Variants in MYO7B observed in about 807,000 individuals in gnomAD.
The protein encoded by MYO7B is myosin VIIB.
Under a neutral mutation model 259.7 loss-of-function variants are expected in MYO7B, and 212 were observed. The observed-to-expected ratio is 0.82, with a 90% CI of 0.73 to 0.91. The LOEUF (loss-of-function observed/expected upper bound fraction) is 0.91. Ranked by LOEUF, MYO7B falls within the 40% of genes least tolerant of loss-of-function variation. The probability of loss-of-function intolerance (pLI) is 0.00; values close to 1 mark genes in which losing one functional copy is unlikely to be tolerated. For synonymous variants in MYO7B, 1,197 were observed against 1,166.4 expected, an observed-to-expected ratio of 1.03 and a Z score of -0.54; for missense variants, 2,732 against 2,813.5, an observed-to-expected ratio of 0.97 and a Z score of 0.66.
rs899198603 is a variant in MYO7B, at chr2:127,633,378, T to C, written c.5511+15T>C. 1.9e-6 allele frequency: 3 copies of C among 1,610,486 alleles called. No homozygotes were observed. In the African/African-American group the frequency reaches 4.0e-5, roughly 22 times the overall value. On this transcript the variant is annotated intron_variant, in intron 40 of 47. Transcript: ENST00000409816. Reference sequence around the variant, plus strand: ...ACACCAGTGAGGTGAGGCCCTGCTCTGGTCTGCACGGCAAGTCTCAGGCCT... The same window carrying C: ...ACACCAGTGAGGTGAGGCCCTGCTCCGGTCTGCACGGCAAGTCTCAGGCCT...
intron 9 of MYO7B, among the ~76,000 whole-genome samples, chr2:127,579,382 A>G (rs1075774): frequency 0.88 from 133,765 of 152,182 alleles, 59,093 homozygotes; most frequent in East Asian, 0.99. Flanking sequence ...ATCTCACGCC[A>G]TGTGAGAATA....
intron 28 of MYO7B, 98 bp downstream of exon 28, chr2:127,622,199 C>G: frequency 7.1e-7 from 1 of 1,416,020 alleles, no homozygotes; most frequent in Non-Finnish European, 9.3e-7. Context: ...TAGGACAGAA[C>G]TTTGTCCTCT....
chr2:127,632,130 CCCCTCGGGCCCTCT>C (rs1423500534), intron 38 of MYO7B, 102 bp from the exon 39 acceptor site: 2 of 1,243,674 alleles, frequency 1.6e-6, no homozygotes, highest in African/African-American at 3.0e-5. Flanking sequence ...AGGTGCCCTC[CCCCTCGGGCCCTCT>C]AGACCCCAGG....
Position 127,604,534 on chromosome 2 carries a change from C to T in MYO7B, c.2340-1310C>T, listed in dbSNP as rs536989432. Among the ~76,000 whole-genome samples, 135 of 152,278 alleles carry T rather than the reference C, an allele frequency of 8.9e-4. 1 individual carries two copies. The highest frequency in any genetic ancestry group is 3.2e-3 in the African/African-American group (131 of 41,556). ...CCTTTAATTTCCTTCAGGAACTTTT[C>T]GTTCGTATTCACAACGTGGCTGTTT... On this transcript the variant is annotated intron_variant, in intron 19 of 47. Transcript: ENST00000409816.
rs34553127 is a variant in MYO7B at position 127,539,682 on chromosome 2, TAA to T, written c.-24+3861_-24+3862del. ...GGACTTCCTTGAGGGCTATTTCTTT[TAA>T]AAAAAAAAACTCCATAGTTTTTAAG... is the stretch of plus-strand genomic sequence containing the variant. On this transcript the variant is annotated intron_variant, in intron 1 of 47. Transcript: ENST00000409816. This position sits in a 1 kb window ranked among gnomAD's most constrained non-coding sequence, Gnocchi z 4.0. Among the ~76,000 whole-genome samples the T allele has an allele frequency of 5.4e-5, 8 of 148,692 alleles. No homozygotes were observed. The highest frequency in any genetic ancestry group is 2.0e-4 in the East Asian group (1 of 5,108).
chr2:127,551,042 TTG>T (rs1277162066), intron 1 of MYO7B, among the ~76,000 whole-genome samples: 1 of 146,130 alleles, frequency 6.8e-6, no homozygotes, highest in Non-Finnish European at 1.5e-5. Context: ...TAGTAGTTGC[TTG>T]GGTTGCCATG....
chr2:127,635,486 G>A, intron 43 of MYO7B: 1 of 628,460 alleles, frequency 1.6e-6, no homozygotes, highest in Non-Finnish European at 2.8e-6. Flanking sequence ...TGGAGCAGTG[G>A]CCGTGGCCTG....
intron 1 of MYO7B, among the ~76,000 whole-genome samples, chr2:127,548,665 C>T (rs567791037): frequency 4.6e-5 from 7 of 152,200 alleles, no homozygotes; most frequent in Admixed American, 2.6e-4. Context: ...CCACCCGCCT[C>T]GGCCTCCCAA....
At chr2:127,557,458 G>T (rs538537825) in intron 1 of MYO7B, among the ~76,000 whole-genome samples, 2 of 151,842 alleles carry the variant, frequency 1.3e-5, no homozygotes, top group Non-Finnish European at 2.9e-5. Context: ...GTGATTTTTT[G>T]GGGGTTTTAA....
Position 127,584,887 on chromosome 2 carries a change from C to G in MYO7B, c.1664C>G (p.Ala555Gly). The G allele has an allele frequency of 6.2e-7, 1 of 1,613,944 alleles. No individual in the cohort carries two copies. Among genetic ancestry groups the G allele is most frequent in the Non-Finnish European group, 8.5e-7 (1 of 1,179,886 alleles). The part of the protein sequence containing the change: ...HDARFGIAHF[A>G]GEVYYQAEGF... ...GCCAGATTTGGCATTGCCCATTTTGCCGGCGAGGTGTACTACCAAGCAGAA... is the reference window on the plus strand; with the variant it reads ...GCCAGATTTGGCATTGCCCATTTTGGCGGCGAGGTGTACTACCAAGCAGAA... Residue 555 changes from alanine (A) to glycine (G), a missense_variant, in exon 14 of 48, where the codon GCC (alanine) becomes GGC (glycine). Physicochemically the swap from Ala to Gly is moderately conservative, Grantham distance 60. Transcript: ENST00000409816. The surrounding 1 kb of genome is among the most constrained non-coding windows in gnomAD (Gnocchi z 5.8).
At chr2:127,625,034 G>T (rs1160208804) in intron 30 of MYO7B, among the ~76,000 whole-genome samples, 1 of 152,122 alleles carries the variant, frequency 6.6e-6, no homozygotes, top group African/African-American at 2.4e-5. Flanking sequence ...ACTCCGCAAG[G>T]GGGGCTACTG....
At chr2:127,541,257 G>A (rs1573599775) in intron 1 of MYO7B, among the ~76,000 whole-genome samples, 1 of 152,000 alleles carries the variant, frequency 6.6e-6, no homozygotes, top group Admixed American at 6.5e-5. Context: ...GCTTCTCCAG[G>A]GCTGTCCCCA....
chr2:127,609,714 TGGTACCA>T lies in MYO7B; in HGVS notation c.3024+2_3024+8del. Reference sequence around the variant, plus strand: ...TACCACGAAGATGACACTGACTGCTTGGTACCAGGGTTCACTGGCTTCTAGTGGATCA... The same window carrying T: ...TACCACGAAGATGACACTGACTGCTTGGGTTCACTGGCTTCTAGTGGATCA... On this transcript the variant is annotated splice_donor_variant and splice_donor_5th_base_variant and coding_sequence_variant and intron_variant, in exon 23 of 48. Coordinates refer to ENST00000409816, the MANE Select transcript of MYO7B (RefSeq NM_001393586.1). LOFTEE classifies it high-confidence loss of function. The surrounding 1 kb of genome is among the most constrained non-coding windows in gnomAD (Gnocchi z 6.9). 6.2e-7 allele frequency: 1 copy of T among 1,613,894 alleles called. No homozygotes were observed. Among genetic ancestry groups the T allele is most frequent in the Non-Finnish European group, 8.5e-7 (1 of 1,179,842 alleles).
At position 127,584,398 on chromosome 2, in the gene MYO7B, G is replaced by T; in HGVS notation, c.1554+66G>T. The T allele has an allele frequency of 6.5e-7, 1 of 1,542,120 alleles. No individual in the cohort carries two copies. Among genetic ancestry groups the T allele is most frequent in the Non-Finnish European group, 8.9e-7 (1 of 1,122,454 alleles). On this transcript the variant is annotated intron_variant, in intron 13 of 47. Coordinates refer to ENST00000409816, the MANE Select transcript of MYO7B (RefSeq NM_001393586.1). The surrounding 1 kb of genome is among the most constrained non-coding windows in gnomAD (Gnocchi z 5.8). ...CTATGGGTCTCCTCTTGGAGGCTGGGAAACTCCATTTGGGTGGGCCACTTG... is the reference window on the plus strand; with the variant it reads ...CTATGGGTCTCCTCTTGGAGGCTGGTAAACTCCATTTGGGTGGGCCACTTG...
At chr2:127,596,633 C>A in intron 19 of MYO7B, 77 bp downstream of exon 19, 3 of 1,243,820 alleles carry the variant, frequency 2.4e-6, no homozygotes, top group Non-Finnish European at 2.3e-6. Context: ...GCCCACAAAC[C>A]AGGATCACAT....
Position 127,636,589 on chromosome 2 carries a change from C to T in MYO7B, c.6168C>T (p.Ile2056=). ...PSYPDVILIA[I]NRHGVLLIHP... Reference sequence around the variant, plus strand: ...ACCCGGACGTCATCCTCATCGCCATCAACCGACATGGGGTTCTGCTCATCC... The same window carrying T: ...ACCCGGACGTCATCCTCATCGCCATTAACCGACATGGGGTTCTGCTCATCC... Residue 2056 remains isoleucine (I), a synonymous_variant, in exon 46 of 48, where the codon ATC becomes ATT. Transcript: ENST00000409816. The surrounding 1 kb of genome is among the most constrained non-coding windows in gnomAD (Gnocchi z 4.5). The T allele has an allele frequency of 6.2e-7, 1 of 1,613,016 alleles. No individual in the cohort carries two copies. The highest frequency in any genetic ancestry group is 8.5e-7 in the Non-Finnish European group (1 of 1,179,484).
In MYO7B at chr2:127,637,585, GC is replaced by G; in HGVS notation, c.*171del. ...GGCGGCCCCCTCTGTCCTGGGCGCT[GC>G]CCAGGGAGGCCAAAAGACGGGCCCA... On this transcript the variant is annotated 3_prime_UTR_variant, in exon 48 of 48. Transcript: ENST00000409816. 2.0e-6 allele frequency: 1 copy of G among 502,644 alleles called. No individual in the cohort carries two copies. Among genetic ancestry groups the G allele is most frequent in the Non-Finnish European group, 3.4e-6 (1 of 290,518 alleles). 31.1% of individuals were successfully genotyped at this position (502,644 alleles called of 1,614,324 possible). A position where few individuals can be genotyped will look rare whatever the true frequency, so the allele number is the denominator to read the frequency against.
At chr2:127,548,591 T>C (rs1693326417) in intron 1 of MYO7B, among the ~76,000 whole-genome samples, 1 of 152,016 alleles carries the variant, frequency 6.6e-6, no homozygotes, top group African/African-American at 2.4e-5. Context: ...GCTTTTTCTA[T>C]TTTTAGTAGA....
Position 127,584,378 on chromosome 2 carries a change from G to A in MYO7B, c.1554+46G>A, listed in dbSNP as rs375132620. On this transcript the variant is annotated intron_variant, in intron 13 of 47. Coordinates refer to ENST00000409816, the MANE Select transcript of MYO7B (RefSeq NM_001393586.1). The surrounding 1 kb of genome is among the most constrained non-coding windows in gnomAD (Gnocchi z 5.8). ...ACCTTCTGGTGGAGGCCCTGCTATGGGTCTCCTCTTGGAGGCTGGGAAACT... is the reference window on the plus strand; with the variant it reads ...ACCTTCTGGTGGAGGCCCTGCTATGAGTCTCCTCTTGGAGGCTGGGAAACT... The A allele has an allele frequency of 1.3e-6, 2 of 1,591,932 alleles. No individual in the cohort carries two copies. Among genetic ancestry groups the A allele is most frequent in the Non-Finnish European group, 1.7e-6 (2 of 1,161,386 alleles).
Sources: gnomAD v4.1 joint callset for allele counts (sites outside exome capture counted in the v4.1 genomes callset) on GRCh38, gnomAD v4.1.1 for gene constraint, Gnocchi (gnomAD v3.1) non-coding constraint, MANE v1.5 for transcripts, NCBI Gene and HGNC (gene_info 2026-07-23, HGNC 2026-07-21) for gene names.